Variants in AP3B1 observed in about 807,000 individuals in gnomAD.
AP3B1 encodes adaptor related protein complex 3 subunit beta 1.
Under a neutral mutation model 132.5 loss-of-function variants are expected in AP3B1, and 61 were observed. That is an observed-to-expected ratio of 0.46 (90% confidence interval 0.37 to 0.57). The LOEUF (loss-of-function observed/expected upper bound fraction) is 0.57, where lower values mean the gene tolerates loss of function less well. Ranked by LOEUF, AP3B1 falls within the 20% of genes least tolerant of loss-of-function variation. AP3B1 has a pLI of 0.00. For missense variants in AP3B1, 1,120 were observed against 1,289.4 expected (o/e 0.87, Z 2.01); for synonymous variants, 388 against 438.3 (o/e 0.89, Z 1.43).
At chr5:78,261,517 G>A (rs1748090751) in intron 2 of AP3B1, among the ~76,000 whole-genome samples, 1 of 152,204 alleles carries the variant, frequency 6.6e-6, no homozygotes, top group Non-Finnish European at 1.5e-5. Context: ...CCAGGCTGCA[G>A]TGCAATGGCA....
chr5:78,094,343 T>G (rs906652196), intron 21 of AP3B1, among the ~76,000 whole-genome samples: 1 of 152,210 alleles, frequency 6.6e-6, no homozygotes, highest in African/African-American at 2.4e-5. Context: ...AAAAGAGTCA[T>G]ATAACTTAAT....
chr5:78,271,488 T>A (rs1300000518), intron 1 of AP3B1, among the ~76,000 whole-genome samples: 1 of 152,124 alleles, frequency 6.6e-6, no homozygotes, highest in East Asian at 1.9e-4. Context: ...AATATGAATA[T>A]TCCTCCTATA....
At chr5:78,283,817 C>T (rs968910803) in intron 1 of AP3B1, among the ~76,000 whole-genome samples, 1 of 146,566 alleles carries the variant, frequency 6.8e-6, no homozygotes, top group African/African-American at 2.4e-5. Flanking sequence ...CTGGTGTAGC[C>T]AAGGTGATCT....
intron 1 of AP3B1, among the ~76,000 whole-genome samples, chr5:78,269,398 A>G (rs1748460736): frequency 6.6e-6 from 1 of 152,210 alleles, no homozygotes; most frequent in Admixed American, 6.5e-5. Context: ...AAGGACAGAG[A>G]AGAATATATA....
At chr5:78,224,709 T>C (rs1746332242) in intron 6 of AP3B1, among the ~76,000 whole-genome samples, 1 of 151,962 alleles carries the variant, frequency 6.6e-6, no homozygotes, top group Non-Finnish European at 1.5e-5. Flanking sequence ...AATAGTAGTA[T>C]TTATAACAGG....
At chr5:78,200,791 G>A (rs1745258762) in intron 7 of AP3B1, among the ~76,000 whole-genome samples, 1 of 152,114 alleles carries the variant, frequency 6.6e-6, no homozygotes, top group South Asian at 2.1e-4. Context: ...AGGATGTGGA[G>A]CAAACAAAAT....
chr5:78,249,666 C>T (rs1747548458), intron 2 of AP3B1, among the ~76,000 whole-genome samples: 1 of 150,008 alleles, frequency 6.7e-6, no homozygotes, highest in African/African-American at 2.5e-5. Context: ...TCACTGCAGC[C>T]TCAACCTCTT....
intron 1 of AP3B1, among the ~76,000 whole-genome samples, chr5:78,283,785 A>G (rs1338134219): frequency 6.6e-6 from 1 of 152,198 alleles, no homozygotes; most frequent in African/African-American, 2.4e-5. Flanking sequence ...CATCATTCAC[A>G]TACTTGTCCA....
At chr5:78,159,759 C>T (rs1350368702) in intron 13 of AP3B1, among the ~76,000 whole-genome samples, 1 of 152,174 alleles carries the variant, frequency 6.6e-6, no homozygotes, top group Non-Finnish European at 1.5e-5. Flanking sequence ...TTCTGCCTAC[C>T]ACAAGTGCCT....
chr5:78,129,222 T>C lies in AP3B1; in HGVS notation c.1736A>G (p.Gln579Arg), dbSNP rs767432388. Residue 579 changes from glutamine (Q) to arginine (R), a missense_variant, in exon 16 of 27, where the codon CAG becomes CGG. By Grantham distance (43) the Gln-to-Arg change is conservative (BLOSUM62 1). Around this residue, in one of 3 missense-constraint regions of AP3B1, gnomAD observed 906 missense variants for 997.1 expected, o/e 0.91. Coordinates refer to ENST00000255194, the MANE Select transcript of AP3B1 (RefSeq NM_003664.5). Reference sequence around the variant, plus strand: ...ACTCTTTACATTCGGAACAATAAGCTGCCTAATAAATCTTGTACGGTCTCT... The same window carrying C: ...ACTCTTTACATTCGGAACAATAAGCCGCCTAATAAATCTTGTACGGTCTCT... Reference protein sequence around the residue: ...DIRDRTRFIRQLIVPNVKSGA... With the variant: ...DIRDRTRFIRRLIVPNVKSGA... 1 of 1,613,302 alleles carries C rather than the reference T, an allele frequency of 6.2e-7. No homozygotes were observed. Among genetic ancestry groups the C allele is most frequent in the South Asian group, 1.1e-5 (1 of 91,058 alleles).
chr5:78,143,792 T>C (rs889143478), intron 14 of AP3B1, among the ~76,000 whole-genome samples: 2 of 152,052 alleles, frequency 1.3e-5, no homozygotes, highest in African/African-American at 4.8e-5. Context: ...GGCGGGTGGA[T>C]CACTTGAGGA....
Position 78,177,329 on chromosome 5 carries a change from C to A in AP3B1, c.1040+10G>T, listed in dbSNP as rs776579403. ...ACAAAAGAAAAAATATATATAAAAT[C>A]ATGACCTACCTATTGCTACGAAGTA... On this transcript the variant is annotated intron_variant, in intron 9 of 26. Coordinates refer to ENST00000255194, the MANE Select transcript of AP3B1 (RefSeq NM_003664.5). 1.3e-6 allele frequency: 2 copies of A among 1,583,448 alleles called. No homozygotes were observed. Among genetic ancestry groups the A allele is most frequent in the African/African-American group, 2.7e-5 (2 of 74,308 alleles).
intron 22 of AP3B1, among the ~76,000 whole-genome samples, chr5:78,057,775 C>G (rs184041917): frequency 2.8e-4 from 42 of 152,236 alleles, no homozygotes; most frequent in Admixed American, 2.6e-3. Flanking sequence ...ATGCTCAGTT[C>G]AAGTCCCAAT....
chr5:78,034,386 T>C lies in AP3B1; in HGVS notation c.2869A>G (p.Thr957Ala), dbSNP rs749089425. The change falls in exon 24 of 27, where the codon ACT becomes GCT. Residue 957 changes from threonine to alanine, a missense_variant. Thr to Ala is a moderately conservative substitution (Grantham distance 58). Transcript: ENST00000255194. ...VSMGIDFCDS[T>A]QTASFQLCTK... ...CACAACTGGAAACTGGCAGTCTGAG[T>C]AGAATCACAAAAGTCAATACCCATT... is the stretch of plus-strand genomic sequence containing the variant. 6.2e-7 allele frequency: 1 copy of C among 1,612,156 alleles called. No homozygotes were observed. Among genetic ancestry groups the C allele is most frequent in the Non-Finnish European group, 8.5e-7 (1 of 1,178,500 alleles).
chr5:78,174,530 C>A (rs568145991), intron 11 of AP3B1, among the ~76,000 whole-genome samples: 1 of 152,286 alleles, frequency 6.6e-6, no homozygotes, highest in East Asian at 1.9e-4. Context: ...TGCAGCACAG[C>A]AAATGCTGCA....
At chr5:78,116,053 T>C (rs767328138) in intron 18 of AP3B1, 73 bp downstream of exon 18, 2 of 1,083,260 alleles carry the variant, frequency 1.8e-6, no homozygotes, top group Non-Finnish European at 2.9e-6. Context: ...TATTATGGAT[T>C]AGGCCTTGTT....
chr5:78,141,877 T>C (rs1038285091), intron 14 of AP3B1, among the ~76,000 whole-genome samples: 2 of 152,278 alleles, frequency 1.3e-5, no homozygotes, highest in East Asian at 1.9e-4. Flanking sequence ...CAGAAATCTA[T>C]GTTTTAATTT....
chr5:78,160,944 A>G (rs1292460089), intron 13 of AP3B1, among the ~76,000 whole-genome samples: 1 of 152,096 alleles, frequency 6.6e-6, no homozygotes, highest in Admixed American at 6.5e-5. Flanking sequence ...GCTAATGATG[A>G]TTATGCAAAT....
intron 19 of AP3B1, among the ~76,000 whole-genome samples, chr5:78,110,632 C>T (rs1279221053): frequency 1.3e-5 from 2 of 150,678 alleles, no homozygotes; most frequent in South Asian, 2.1e-4. Context: ...CCAGTAACAA[C>T]GTTAAAGATA....
Sources: allele counts gnomAD v4.1 joint callset (sites outside exome capture counted in the v4.1 genomes callset), GRCh38; gene constraint gnomAD v4.1.1; regional missense constraint gnomAD v4.1.1; transcripts MANE v1.5; gene names NCBI Gene and HGNC (gene_info 2026-07-23, HGNC 2026-07-21).